Variants in RPRD1A observed in about 807,000 individuals in gnomAD.
RPRD1A encodes the protein regulation of nuclear pre-mRNA domain containing 1A.
In RPRD1A, 9 loss-of-function variants were observed where a neutral mutation model predicts 37.8. That is an observed-to-expected ratio of 0.24 (90% confidence interval 0.14 to 0.42). The LOEUF (loss-of-function observed/expected upper bound fraction) is 0.42, where lower values mean the gene tolerates loss of function less well. Ranked by LOEUF, RPRD1A falls within the 10% of genes least tolerant of loss-of-function variation. RPRD1A has a pLI of 1.00. For missense variants in RPRD1A, 255 were observed against 371.0 expected, an observed-to-expected ratio of 0.69 and a Z score of 2.57; for synonymous variants, 138 against 139.7, an observed-to-expected ratio of 0.99 and a Z score of 0.08.
chr18:36,040,262 A>G (rs1266015925), intron 1 of RPRD1A, among the ~76,000 whole-genome samples: 1 of 152,226 alleles, frequency 6.6e-6, no homozygotes. Context: ...ATTACTTGGT[A>G]TCTACCATTC....
At chr18:36,040,432 A>G (rs1287863607) in intron 1 of RPRD1A, among the ~76,000 whole-genome samples, 3 of 152,238 alleles carry the variant, frequency 2.0e-5, no homozygotes, top group Admixed American at 1.3e-4. Flanking sequence ...TGCACTGTAC[A>G]TTATATATGA....
At chr18:36,009,459 T>C (rs1159478119) in intron 6 of RPRD1A, among the ~76,000 whole-genome samples, 1 of 152,222 alleles carries the variant, frequency 6.6e-6, no homozygotes, top group Non-Finnish European at 1.5e-5. Context: ...ACTTCTGACA[T>C]GGAACGTTTG....
chr18:36,065,703 A>G (rs1859595496), intron 1 of RPRD1A, among the ~76,000 whole-genome samples: 1 of 152,234 alleles, frequency 6.6e-6, no homozygotes, highest in Non-Finnish European at 1.5e-5. Context: ...ACCAAGTGGT[A>G]TAAGAGTTCC....
At chr18:36,054,605 AGAGAGAGAAATATT>A (rs1230419118) in intron 1 of RPRD1A, among the ~76,000 whole-genome samples, 3 of 152,194 alleles carry the variant, frequency 2.0e-5, no homozygotes, top group Non-Finnish European at 4.4e-5. Flanking sequence ...AGAGAGAGGG[AGAGAGAGAAATATT>A]GACTGATAAT....
chr18:36,060,813 ATTATT>A (rs1339696163), intron 1 of RPRD1A, among the ~76,000 whole-genome samples: 1 of 152,174 alleles, frequency 6.6e-6, no homozygotes, highest in African/African-American at 2.4e-5. Context: ...TAAATAATGT[ATTATT>A]TTAATTGTTG....
chr18:36,066,379 C>A (rs980370994), intron 1 of RPRD1A, among the ~76,000 whole-genome samples: 5 of 152,268 alleles, frequency 3.3e-5, no homozygotes, highest in African/African-American at 9.6e-5. Context: ...GATAAAAAAC[C>A]ATCATATCCA....
intron 6 of RPRD1A, among the ~76,000 whole-genome samples, chr18:36,016,765 A>C (rs996004448): frequency 6.6e-6 from 1 of 152,196 alleles, no homozygotes; most frequent in African/African-American, 2.4e-5. Flanking sequence ...CTAAACAGTT[A>C]GCTGGCTAAA....
At chr18:35,999,550 C>T (rs1413677253) in intron 6 of RPRD1A, among the ~76,000 whole-genome samples, 1 of 152,118 alleles carries the variant, frequency 6.6e-6, no homozygotes, top group African/African-American at 2.4e-5. Context: ...GCTTTAAATA[C>T]ATAATATTTC....
At chr18:36,056,480 G>C (rs1913776124) in intron 1 of RPRD1A, among the ~76,000 whole-genome samples, 2 of 152,068 alleles carry the variant, frequency 1.3e-5, no homozygotes, top group African/African-American at 4.8e-5. Flanking sequence ...TAGAGACAGA[G>C]TTTCACCATG....
intron 6 of RPRD1A, among the ~76,000 whole-genome samples, chr18:35,999,181 T>G (rs143020733): frequency 2.6e-5 from 4 of 152,198 alleles, no homozygotes; most frequent in African/African-American, 9.7e-5. Flanking sequence ...TTACTTGCAG[T>G]GTCCAGCAGG....
rs149554174 is a variant in RPRD1A at position 36,016,757 on chromosome 18, A to G, written c.789+10143T>C. On this transcript the variant is annotated intron_variant, in intron 6 of 6. Coordinates refer to ENST00000399022, the MANE Select transcript of RPRD1A (RefSeq NM_018170.5). ...AGGAACTGGAAGAAATATAAACGCT[A>G]AACAGTTAGCTGGCTAAACAAATAC... 3.3e-3 allele frequency among the ~76,000 whole-genome samples: 502 copies of G among 152,318 alleles called. 2 individuals are homozygous for G. The highest frequency in any genetic ancestry group is 6.4e-3 in the Admixed American group (98 of 15,302).
chr18:36,063,845 T>A (rs2088963368), intron 1 of RPRD1A: 1 of 152,206 alleles, frequency 6.6e-6, no homozygotes, highest in Non-Finnish European at 1.5e-5. Context: ...CAGGCTAATA[T>A]GAGGATTAAA....
Position 36,031,099 on chromosome 18 carries a change from TAAAAAAAA to T in RPRD1A, c.282-10_282-3del. 2.2e-6 allele frequency: 3 copies of T among 1,370,740 alleles called. No homozygotes were observed. Among genetic ancestry groups the T allele is most frequent in the African/African-American group, 1.8e-5 (1 of 54,212 alleles). 84.9% of individuals were successfully genotyped at this position (1,370,740 alleles called of 1,614,324 possible). A position where few individuals can be genotyped will look rare whatever the true frequency, so the allele number is the denominator to read the frequency against. The stretch of plus-strand genomic sequence containing the variant: ...TTCTTACAACTTTCATCAGTTTCAC[TAAAAAAAA>T]AAAAAAAGAAAAAAAGAAAAATGTT... On this transcript the variant is annotated splice_polypyrimidine_tract_variant and splice_region_variant and intron_variant, in intron 2 of 6. Transcript: ENST00000399022.
At chr18:36,034,086 A>G (rs1166829594) in intron 1 of RPRD1A, among the ~76,000 whole-genome samples, 1 of 152,190 alleles carries the variant, frequency 6.6e-6, no homozygotes, top group Non-Finnish European at 1.5e-5. Context: ...AAACCATTAC[A>G]AACTATATGA....
intron 6 of RPRD1A, among the ~76,000 whole-genome samples, chr18:35,997,378 G>C (rs778289146): frequency 3.9e-5 from 6 of 151,996 alleles, no homozygotes; most frequent in Non-Finnish European, 8.8e-5. Flanking sequence ...TAAAAAAACT[G>C]ATGAATGAAA....
At chr18:35,999,345 G>T (rs1909281202) in intron 6 of RPRD1A, among the ~76,000 whole-genome samples, 2 of 152,102 alleles carry the variant, frequency 1.3e-5, no homozygotes, top group African/African-American at 4.8e-5. Flanking sequence ...TAAAATAAGG[G>T]TACTATTTTA....
At chr18:35,999,960 T>C (rs1909317451) in intron 6 of RPRD1A, among the ~76,000 whole-genome samples, 1 of 152,222 alleles carries the variant, frequency 6.6e-6, no homozygotes, top group African/African-American at 2.4e-5. Flanking sequence ...CATTTACTTT[T>C]ACTTCATTTT....
At position 35,991,185 on chromosome 18, in the gene RPRD1A, A is replaced by G. The variant is rs1460971098; in HGVS notation, c.*1966T>C. The G allele has an allele frequency of 6.6e-6, 1 of 152,232 alleles. No individual in the cohort carries two copies. Among genetic ancestry groups the G allele is most frequent in the African/African-American group, 2.4e-5 (1 of 41,454 alleles). The allele number at this position is 152,232 out of a possible 1,614,324, so 9.4% of individuals were successfully genotyped here. On this transcript the variant is annotated 3_prime_UTR_variant, in exon 7 of 7. Transcript: ENST00000399022. Reference sequence around the variant, plus strand: ...GGAAAAAAATATATATTTTGAATGGATAAATCACCACTTTAGCAGATCATA... The same window carrying G: ...GGAAAAAAATATATATTTTGAATGGGTAAATCACCACTTTAGCAGATCATA...
intron 6 of RPRD1A, among the ~76,000 whole-genome samples, chr18:35,997,371 A>G (rs1301140107): frequency 6.6e-6 from 1 of 152,214 alleles, no homozygotes; most frequent in African/African-American, 2.4e-5. Context: ...CACTTTTTAA[A>G]AAAACTGATG....
Sources: allele counts gnomAD v4.1 joint callset (sites outside exome capture counted in the v4.1 genomes callset), GRCh38; gene constraint gnomAD v4.1.1; transcripts MANE v1.5; gene names NCBI Gene and HGNC (gene_info 2026-07-23, HGNC 2026-07-21).